Variants in ITGA8 observed in about 807,000 individuals in gnomAD.
ITGA8 encodes the protein integrin subunit alpha 8.
In ITGA8, 91 loss-of-function variants were observed where a neutral mutation model predicts 142.3. That is an observed-to-expected ratio of 0.64 (90% CI 0.54 to 0.76). The LOEUF (loss-of-function observed/expected upper bound fraction) is 0.76. Ranked by LOEUF, ITGA8 falls within the 30% of genes least tolerant of loss-of-function variation. The probability of loss-of-function intolerance (pLI) is 0.00; values close to 1 mark genes in which losing one functional copy is unlikely to be tolerated. For missense variants in ITGA8, 1,406 were observed against 1,327.7 expected (o/e 1.06, Z -0.92); for synonymous variants, 505 against 485.2 (o/e 1.04, Z -0.54).
intron 13 of ITGA8, among the ~76,000 whole-genome samples, chr10:15,639,443 G>T (rs1384298373): frequency 1.3e-5 from 2 of 152,140 alleles, no homozygotes; most frequent in South Asian, 2.1e-4. Flanking sequence ...ATCTGAAGGG[G>T]TGCTGTGCAT....
rs115073077 is a variant in ITGA8 at position 15,601,540 on chromosome 10, C to T, written c.2118+2668G>A. ...ACGTAAATATAATGTCACTGAACTG[C>T]GCACTTGAAAATGGCTAAAATGATA... On this transcript the variant is annotated intron_variant, in intron 20 of 29. Coordinates refer to ENST00000378076, the MANE Select transcript of ITGA8 (RefSeq NM_003638.3). Among the ~76,000 whole-genome samples the T allele has an allele frequency of 3.4e-3, 525 of 152,176 alleles. 3 individuals carry two copies. Among genetic ancestry groups the T allele is most frequent in the African/African-American group, 0.012 (501 of 41,522 alleles).
chr10:15,644,368 A>C (rs1353737174), intron 12 of ITGA8, 147 bp from the exon 13 acceptor site: 1 of 549,976 alleles, frequency 1.8e-6, no homozygotes, highest in Non-Finnish European at 3.0e-6. Flanking sequence ...CCCGGACTCA[A>C]GTGATCCTCC....
At position 15,514,945 on chromosome 10, in the gene ITGA8, T is replaced by C. The variant is rs1832936325; in HGVS notation, c.*2213A>G. 1 of 152,264 alleles carries C rather than the reference T, an allele frequency of 6.6e-6. No individual in the cohort carries two copies. Among genetic ancestry groups the C allele is most frequent in the African/African-American group, 2.4e-5 (1 of 41,454 alleles). 9.4% of individuals were successfully genotyped at this position (152,264 alleles called of 1,614,324 possible). ...CTCTAGTTCCTTCCAGGTATCTGCATAAACTATCTCAACAGGGGTCTTTTT... is the reference window on the plus strand; with the variant it reads ...CTCTAGTTCCTTCCAGGTATCTGCACAAACTATCTCAACAGGGGTCTTTTT... On this transcript the variant is annotated 3_prime_UTR_variant, in exon 30 of 30. Coordinates refer to ENST00000378076, the MANE Select transcript of ITGA8 (RefSeq NM_003638.3).
intron 27 of ITGA8, among the ~76,000 whole-genome samples, chr10:15,545,684 GT>G (rs35907315): frequency 0.87 from 130,219 of 149,332 alleles, 58,902 homozygotes; most frequent in Non-Finnish European, 0.99. Context: ...TAGTTTGCCT[GT>G]TTTTTTTTTT....
intron 25 of ITGA8, among the ~76,000 whole-genome samples, chr10:15,565,573 A>ATTTTTTTTTTTTTTTTTTTTTTTTT (rs71374633): frequency 5.8e-5 from 2 of 34,782 alleles, no homozygotes; most frequent in East Asian, 1.4e-3. Context: ...TCATGTCCTG[A>ATTTTTTTTTTTTTTTTTTTTTTTTT]TTTTTTTTTT....
chr10:15,687,648 A>G (rs902987687), intron 3 of ITGA8, among the ~76,000 whole-genome samples: 6 of 152,212 alleles, frequency 3.9e-5, no homozygotes, highest in African/African-American at 1.4e-4. Flanking sequence ...CTTAAGCACT[A>G]TAATATTTTA....
chr10:15,669,650 A>C (rs1158517594), intron 8 of ITGA8, among the ~76,000 whole-genome samples: 1 of 151,666 alleles, frequency 6.6e-6, no homozygotes, highest in Non-Finnish European at 1.5e-5. Flanking sequence ...GGTTTTATCT[A>C]CCTTTGGTCT....
intron 2 of ITGA8, among the ~76,000 whole-genome samples, chr10:15,695,239 A>G (rs1277193596): frequency 6.6e-6 from 1 of 152,180 alleles, no homozygotes; most frequent in Non-Finnish European, 1.5e-5. Context: ...GGATTATAAC[A>G]GAGCAGAATT....
chr10:15,600,366 A>G (rs1389975450), intron 20 of ITGA8, among the ~76,000 whole-genome samples: 1 of 152,220 alleles, frequency 6.6e-6, no homozygotes, highest in South Asian at 2.1e-4. Context: ...ATTAAGCCTC[A>G]ATTTTTATTA....
chr10:15,521,518 GGA>G (rs1184729707), intron 28 of ITGA8, among the ~76,000 whole-genome samples: 3 of 152,170 alleles, frequency 2.0e-5, no homozygotes, highest in Non-Finnish European at 2.9e-5. Context: ...AGTGAGATAG[GGA>G]GAGAGTCATT....
chr10:15,563,478 G>A (rs1247681344), intron 25 of ITGA8, among the ~76,000 whole-genome samples: 3 of 152,220 alleles, frequency 2.0e-5, no homozygotes, highest in South Asian at 2.1e-4. Context: ...TGACAATTAT[G>A]TTACAGAGGT....
At chr10:15,640,975 A>T (rs1833860874) in intron 13 of ITGA8, among the ~76,000 whole-genome samples, 1 of 152,174 alleles carries the variant, frequency 6.6e-6, no homozygotes, top group Admixed American at 6.5e-5. Context: ...TGTGAGCCAG[A>T]TATCTCTTCC....
intron 4 of ITGA8, among the ~76,000 whole-genome samples, chr10:15,680,651 T>C (rs1834720317): frequency 6.6e-6 from 1 of 152,322 alleles, no homozygotes; most frequent in Non-Finnish European, 1.5e-5. Flanking sequence ...AAATCCCTTT[T>C]AAATTCAACC....
chr10:15,652,264 G>T (rs977690554), intron 11 of ITGA8, among the ~76,000 whole-genome samples: 3 of 152,192 alleles, frequency 2.0e-5, no homozygotes, highest in Non-Finnish European at 2.9e-5. Context: ...TTCCAAGAAG[G>T]ACGGTGCCCT....
At chr10:15,525,008 A>T (rs1833142220) in intron 28 of ITGA8, among the ~76,000 whole-genome samples, 1 of 152,012 alleles carries the variant, frequency 6.6e-6, no homozygotes, top group South Asian at 2.1e-4. Flanking sequence ...AATAATATTT[A>T]TTTATTTATG....
chr10:15,628,774 C>G (rs1184000013), intron 13 of ITGA8, among the ~76,000 whole-genome samples: 13 of 151,860 alleles, frequency 8.6e-5, no homozygotes. Flanking sequence ...GATGGATATC[C>G]TTAATACCTT....
chr10:15,687,104 T>C (rs1834845692), intron 3 of ITGA8, among the ~76,000 whole-genome samples: 1 of 152,218 alleles, frequency 6.6e-6, no homozygotes, highest in Admixed American at 6.5e-5. Context: ...ATTTCTTAAC[T>C]GGAGAGGGCT....
In ITGA8 at chr10:15,519,404, T is replaced by C; in HGVS notation, c.2991A>G (p.Thr997=). The C allele has an allele frequency of 4.3e-6, 7 of 1,613,428 alleles. No individual in the cohort carries two copies. The highest frequency in any genetic ancestry group is 5.9e-6 in the Non-Finnish European group (7 of 1,179,738). The stretch of plus-strand genomic sequence containing the variant: ...CATTCGGAGTTGCCCAAATAACTGA[T>C]GTCTTAATCTGAAATGGAAAACAAA... The part of the protein sequence containing the change: ...KLPEGSIVIK[T]SVIWATPNVS... Residue 997 remains threonine (T), a synonymous_variant, in exon 29 of 30, where the codon ACA becomes ACG. Transcript: ENST00000378076.
intron 25 of ITGA8, among the ~76,000 whole-genome samples, chr10:15,558,455 GAGA>G (rs1353794402): frequency 2.6e-5 from 4 of 152,286 alleles, no homozygotes; most frequent in African/African-American, 9.6e-5. Flanking sequence ...ATCTTGCAAG[GAGA>G]AGATTTGAAG....
Sources: allele counts gnomAD v4.1 joint callset (sites outside exome capture counted in the v4.1 genomes callset), GRCh38; gene constraint gnomAD v4.1.1; transcripts MANE v1.5; gene names NCBI Gene and HGNC (gene_info 2026-07-23, HGNC 2026-07-21).